VPS13B: variants seen among roughly 807,000 people sequenced by gnomAD.
VPS13B encodes vacuolar protein sorting 13 homolog B, also known as intermembrane lipid transfer protein VPS13B.
VPS13B carries 285 observed loss-of-function variants against 426.4 expected under a neutral mutation model. The observed-to-expected ratio is 0.67, with a 90% CI of 0.61 to 0.74. The LOEUF (loss-of-function observed/expected upper bound fraction) is 0.74. Among genes scored for constraint, VPS13B ranks in the 30% least tolerant of loss-of-function variants. The pLI, the probability that VPS13B is intolerant of heterozygous loss-of-function variation, is 0.00. For missense variants in VPS13B, 4,537 were observed against 4,782.6 expected, an observed-to-expected ratio of 0.95 and a Z score of 1.51; for synonymous variants, 1,676 against 1,676.4, an observed-to-expected ratio of 1.00 and a Z score of 0.01.
intron 29 of VPS13B, among the ~76,000 whole-genome samples, chr8:99,518,418 C>T (rs1174639686): frequency 2.0e-5 from 3 of 152,152 alleles, no homozygotes; most frequent in Non-Finnish European, 4.4e-5. Flanking sequence ...AACCAAACCT[C>T]TAAGTCATTT....
At chr8:99,801,269 T>C (rs1741651642) in intron 43 of VPS13B, among the ~76,000 whole-genome samples, 1 of 152,134 alleles carries the variant, frequency 6.6e-6, no homozygotes, top group African/African-American at 2.4e-5. Flanking sequence ...CTTTCCAAAA[T>C]CAATATTCAG....
chr8:99,279,936 ATTTTTTGTATT>A (rs1211373701), intron 19 of VPS13B, among the ~76,000 whole-genome samples: 1 of 152,020 alleles, frequency 6.6e-6, no homozygotes, highest in Non-Finnish European at 1.5e-5. Flanking sequence ...TGCCCGGCTA[ATTTTTTGTATT>A]TTTAGTAGAG....
intron 23 of VPS13B, among the ~76,000 whole-genome samples, chr8:99,448,937 CT>C (rs1232546722): frequency 2.1e-4 from 32 of 152,240 alleles, no homozygotes; most frequent in Middle Eastern, 3.4e-3. Flanking sequence ...TATTATACCC[CT>C]TTCCATTCTA....
intron 56 of VPS13B, among the ~76,000 whole-genome samples, chr8:99,856,461 T>C (rs569418332): frequency 1.3e-5 from 2 of 152,366 alleles, no homozygotes; most frequent in South Asian, 4.1e-4. Flanking sequence ...ACATCTCACT[T>C]GAGTCAGAGT....
rs373340298 is a variant in VPS13B, at chr8:99,096,386, G to A, written c.366G>A (p.Pro122=). Reference sequence around the variant, plus strand: ...AGAGCACAAAATCATCAATCAAACCGCGGAGAATGCAGCAGGCTGCTCCTA... The same window carrying A: ...AGAGCACAAAATCATCAATCAAACCACGGAGAATGCAGCAGGCTGCTCCTA... ...TAESTKSSIK[P]RRMQQAAPTD... The change falls in exon 4 of 62, where the codon CCG becomes CCA. Residue 122 remains proline (P), a synonymous_variant. Transcript: ENST00000357162. 106 of 1,613,896 alleles carry A rather than the reference G, an allele frequency of 6.6e-5. No individual in the cohort carries two copies. The highest frequency in any genetic ancestry group is 1.6e-4 in the Middle Eastern group (1 of 6,084).
At chr8:99,403,438 A>T (rs1216056018) in intron 21 of VPS13B, among the ~76,000 whole-genome samples, 1 of 152,014 alleles carries the variant, frequency 6.6e-6, no homozygotes, top group Non-Finnish European at 1.5e-5. Context: ...AGTCCCAGCT[A>T]ATCAGGAAGC....
intron 30 of VPS13B, among the ~76,000 whole-genome samples, chr8:99,524,621 C>T (rs1026781928): frequency 1.3e-5 from 2 of 152,098 alleles, no homozygotes; most frequent in Non-Finnish European, 2.9e-5. Flanking sequence ...GATGAGACTT[C>T]GTCTCTATAA....
chr8:99,711,879 C>T (rs1832722168), intron 36 of VPS13B, among the ~76,000 whole-genome samples: 1 of 152,072 alleles, frequency 6.6e-6, no homozygotes, highest in Non-Finnish European at 1.5e-5. Flanking sequence ...GGATACATGC[C>T]TACATAAATA....
At chr8:99,432,344 T>A (rs781125865) in intron 22 of VPS13B, among the ~76,000 whole-genome samples, 5 of 152,124 alleles carry the variant, frequency 3.3e-5, no homozygotes, top group Non-Finnish European at 7.4e-5. Flanking sequence ...CTTTTCACCT[T>A]GACTTAAGAT....
chr8:99,243,110 T>C (rs1817018867), intron 17 of VPS13B, among the ~76,000 whole-genome samples: 1 of 152,214 alleles, frequency 6.6e-6, no homozygotes, highest in East Asian at 1.9e-4. Context: ...GACAGGAAGA[T>C]GGACTAGAAA....
intron 2 of VPS13B, among the ~76,000 whole-genome samples, chr8:99,028,518 G>T (rs1182641590): frequency 2.4e-5 from 1 of 41,560 alleles, no homozygotes; most frequent in African/African-American, 1.1e-4. Context: ...CGGGCGGGGG[G>T]CTGACCCCCC....
intron 16 of VPS13B, among the ~76,000 whole-genome samples, chr8:99,186,435 T>A (rs772878755): frequency 6.6e-6 from 1 of 152,090 alleles, no homozygotes; most frequent in Non-Finnish European, 1.5e-5. Context: ...TTGAGGTGAA[T>A]ATGGTATAAT....
chr8:99,513,459 TAGTG>T (rs891663577), intron 29 of VPS13B, among the ~76,000 whole-genome samples: 12 of 152,054 alleles, frequency 7.9e-5, no homozygotes, highest in African/African-American at 2.7e-4. Context: ...GCTGAGGAAA[TAGTG>T]AGAGGCTATA....
At chr8:99,094,453 T>C (rs2132425085) in intron 3 of VPS13B, among the ~76,000 whole-genome samples, 1 of 152,318 alleles carries the variant, frequency 6.6e-6, no homozygotes, top group East Asian at 1.9e-4. Context: ...GAATATTGAA[T>C]AGTGAAGTTA....
intron 37 of VPS13B, among the ~76,000 whole-genome samples, chr8:99,718,449 A>G (rs1027579327): frequency 2.0e-5 from 3 of 152,162 alleles, no homozygotes; most frequent in African/African-American, 7.2e-5. Flanking sequence ...CAAGCTCTTA[A>G]TGCATTTGTC....
At chr8:99,085,523 T>C (rs1395641352) in intron 3 of VPS13B, among the ~76,000 whole-genome samples, 1 of 152,186 alleles carries the variant, frequency 6.6e-6, no homozygotes, top group Non-Finnish European at 1.5e-5. Context: ...ATTTTGTTAG[T>C]TGATGGATTT....
In VPS13B at chr8:99,431,564, A is replaced by G. The variant is rs1817115610; in HGVS notation, c.3110A>G (p.Lys1037Arg). 1.2e-6 allele frequency: 2 copies of G among 1,613,520 alleles called. No homozygotes were observed. The highest frequency in any genetic ancestry group is 4.5e-5 in the East Asian group (2 of 44,764). Residue 1037 changes from lysine to arginine, a missense_variant, in exon 22 of 62, where the codon AAA (lysine) becomes AGA (arginine). Lys to Arg is a conservative substitution (Grantham distance 26, BLOSUM62 2). Coordinates refer to ENST00000357162, the MANE Select transcript of VPS13B (RefSeq NM_152564.5). ...TESRPLSVPVKAMLNISESCR... is the reference protein window; with the variant it reads ...TESRPLSVPVRAMLNISESCR... The stretch of plus-strand genomic sequence containing the variant: ...TCCCGCCCATTGTCAGTTCCTGTTA[A>G]AGCCATGTTGAATATATCTGAAAGC...
chr8:99,239,974 A>G (rs532044192), intron 17 of VPS13B, among the ~76,000 whole-genome samples: 2 of 152,284 alleles, frequency 1.3e-5, no homozygotes, highest in East Asian at 1.9e-4. Context: ...TAGGATTTGT[A>G]TCAGATTAAT....
chr8:99,139,042 A>T (rs1392537993), intron 12 of VPS13B, among the ~76,000 whole-genome samples: 3 of 152,244 alleles, frequency 2.0e-5, no homozygotes, highest in African/African-American at 7.2e-5. Context: ...TTTCACTTCC[A>T]TGAATACTAT....
Sources: gnomAD v4.1 joint callset for allele counts (sites outside exome capture counted in the v4.1 genomes callset) on GRCh38, gnomAD v4.1.1 for gene constraint, MANE v1.5 for transcripts, NCBI Gene and HGNC (gene_info 2026-07-23, HGNC 2026-07-21) for gene names.